Variants in MYT1L observed in about 807,000 individuals in gnomAD.
MYT1L encodes myelin transcription factor 1 like, also known as myelin transcription factor 1-like protein.
Under a neutral mutation model 126.7 loss-of-function variants are expected in MYT1L, and 12 were observed. That is an observed-to-expected ratio of 0.09 (90% CI 0.06 to 0.15). MYT1L has a LOEUF of 0.15. MYT1L is among the 10% of genes least tolerant of loss of function. MYT1L has a pLI of 1.00. For synonymous variants in MYT1L, 541 were observed against 604.2 expected, an observed-to-expected ratio of 0.90 and a Z score of 1.53; for missense variants, 979 against 1,585.2, an observed-to-expected ratio of 0.62 and a Z score of 6.49.
Position 1,801,986 on chromosome 2 carries a change from C to A in MYT1L, c.3173-187G>T. ...TCTATTCCCTACCACCGCCCCTTCC[C>A]CACCTAAGTTCCCCTACAAAAAGGA... On this transcript the variant is annotated intron_variant, in intron 22 of 24. Coordinates refer to ENST00000647738, the MANE Select transcript of MYT1L (RefSeq NM_001303052.2). This position sits in a 1 kb window ranked among gnomAD's most constrained non-coding sequence, Gnocchi z 4.2. 1.9e-6 allele frequency: 1 copy of A among 515,222 alleles called. No homozygotes were observed. The highest frequency in any genetic ancestry group is 3.4e-6 in the Non-Finnish European group (1 of 294,196). 31.9% of individuals were successfully genotyped at this position (515,222 alleles called of 1,614,324 possible). A position where few individuals can be genotyped will look rare whatever the true frequency, so the allele number is the denominator to read the frequency against.
At chr2:2,046,864 C>T (rs376913838) in intron 4 of MYT1L, among the ~76,000 whole-genome samples, 4 of 152,144 alleles carry the variant, frequency 2.6e-5, no homozygotes, top group African/African-American at 4.8e-5. Context: ...TTGCTATCAG[C>T]CTGCCTGTCT....
At chr2:1,971,339 C>G (rs1417987403) in intron 8 of MYT1L, among the ~76,000 whole-genome samples, 1 of 152,210 alleles carries the variant, frequency 6.6e-6, no homozygotes. Flanking sequence ...AGACAGGCAC[C>G]AGGCAAACTA....
At chr2:2,180,362 TAA>T (rs567729988) in intron 2 of MYT1L, among the ~76,000 whole-genome samples, 4 of 139,334 alleles carry the variant, frequency 2.9e-5, no homozygotes, top group East Asian at 2.1e-4. Flanking sequence ...CATAAGCTCT[TAA>T]AAAAAAAAAA....
At chr2:1,984,443 T>C (rs1024480645) in intron 5 of MYT1L, among the ~76,000 whole-genome samples, 4 of 151,786 alleles carry the variant, frequency 2.6e-5, no homozygotes, top group Non-Finnish European at 5.9e-5. Context: ...GTGATCCTAC[T>C]GCCTCTGCCT....
chr2:2,264,758 G>A (rs979814398), intron 2 of MYT1L, among the ~76,000 whole-genome samples: 2 of 152,122 alleles, frequency 1.3e-5, no homozygotes, highest in African/African-American at 4.8e-5. Context: ...AAGCGGCCAC[G>A]AATCGTAAAA....
chr2:1,810,639 A>G (rs563425742), intron 21 of MYT1L, among the ~76,000 whole-genome samples: 2 of 152,278 alleles, frequency 1.3e-5, no homozygotes, highest in East Asian at 3.9e-4. Context: ...CTGCATTAAT[A>G]TAATTAAGCT....
intron 3 of MYT1L, among the ~76,000 whole-genome samples, chr2:2,153,375 G>A (rs2086136855): frequency 6.6e-6 from 1 of 152,226 alleles, no homozygotes; most frequent in Admixed American, 6.5e-5. Flanking sequence ...TTAAGATCCT[G>A]GGAAACAGAT....
intron 21 of MYT1L, chr2:1,824,862 A>G (rs1272080587): frequency 2.0e-5 from 3 of 152,262 alleles, no homozygotes; most frequent in Non-Finnish European, 2.9e-5. Context: ...CGAAAATCAG[A>G]GAAAAAGGCA....
chr2:2,223,163 T>C (rs1363872813), intron 2 of MYT1L, among the ~76,000 whole-genome samples: 4 of 152,184 alleles, frequency 2.6e-5, no homozygotes, highest in East Asian at 3.9e-4. Flanking sequence ...ACCACAGACA[T>C]CCTGCCTCGA....
chr2:2,007,369 T>A (rs2063434451), intron 4 of MYT1L, among the ~76,000 whole-genome samples: 2 of 152,154 alleles, frequency 1.3e-5, no homozygotes, highest in Non-Finnish European at 2.9e-5. Context: ...CCAAAAAGTA[T>A]CTGAGATGGG....
intron 3 of MYT1L, among the ~76,000 whole-genome samples, chr2:2,130,246 T>C (rs1418374927): frequency 1.3e-5 from 2 of 151,674 alleles, no homozygotes; most frequent in Non-Finnish European, 2.9e-5. Context: ...CCTTAGCAGC[T>C]GGAAAAATGC....
At chr2:2,067,357 G>T (rs1461431414) in intron 3 of MYT1L, among the ~76,000 whole-genome samples, 1 of 152,072 alleles carries the variant, frequency 6.6e-6, no homozygotes, top group Admixed American at 6.5e-5. Flanking sequence ...CAAGTAGAAT[G>T]AAAAAAATGA....
intron 8 of MYT1L, among the ~76,000 whole-genome samples, chr2:1,966,337 G>A (rs1459370841): frequency 2.0e-5 from 3 of 152,130 alleles, no homozygotes; most frequent in South Asian, 2.1e-4. Context: ...CTTTAAAAAC[G>A]ATCGTTTTAA....
At chr2:1,894,525 G>A (rs904757700) in intron 14 of MYT1L, among the ~76,000 whole-genome samples, 9 of 152,038 alleles carry the variant, frequency 5.9e-5, no homozygotes, top group Admixed American at 3.3e-4. Context: ...TAGAATAATT[G>A]TAGGAGAAAT....
intron 8 of MYT1L, among the ~76,000 whole-genome samples, chr2:1,962,820 G>C (rs1388890226): frequency 2.0e-5 from 3 of 152,168 alleles, no homozygotes; most frequent in Non-Finnish European, 2.9e-5. Context: ...CAGTTCTCTT[G>C]CTATTTCCAC....
chr2:2,246,000 C>G (rs1232190252), intron 2 of MYT1L, among the ~76,000 whole-genome samples: 2 of 152,148 alleles, frequency 1.3e-5, no homozygotes, highest in Non-Finnish European at 2.9e-5. Flanking sequence ...ACAGTGAGAC[C>G]CATTTTAAAC....
intron 18 of MYT1L, among the ~76,000 whole-genome samples, chr2:1,874,202 T>TC (rs1248207034): frequency 2.0e-5 from 3 of 147,444 alleles, no homozygotes; most frequent in Admixed American, 6.7e-5. Context: ...TTTTTTTTTT[T>TC]CCCCCAAGAT....
intron 1 of MYT1L, among the ~76,000 whole-genome samples, chr2:2,294,187 G>A (rs1465110590): frequency 6.6e-6 from 1 of 152,232 alleles, no homozygotes; most frequent in Non-Finnish European, 1.5e-5. Context: ...GTTGGTCACA[G>A]GTGACGGTTA....
intron 3 of MYT1L, among the ~76,000 whole-genome samples, chr2:2,154,249 C>T (rs1575527748): frequency 6.6e-6 from 1 of 152,266 alleles, no homozygotes; most frequent in South Asian, 2.1e-4. Flanking sequence ...TTGAAACCCA[C>T]TCACCATCTG....
Sources: allele counts gnomAD v4.1 joint callset (sites outside exome capture counted in the v4.1 genomes callset), GRCh38; gene constraint gnomAD v4.1.1; non-coding constraint Gnocchi (gnomAD v3.1); transcripts MANE v1.5; gene names NCBI Gene and HGNC (gene_info 2026-07-23, HGNC 2026-07-21).